The following ANKRD28 variants were observed in gnomAD, a reference collection of about 807,000 sequenced individuals.
ANKRD28 encodes the protein ankyrin repeat domain 28.
Under a neutral mutation model 126.5 loss-of-function variants are expected in ANKRD28, and 44 were observed. The observed-to-expected ratio is 0.35, with a 90% CI of 0.27 to 0.45. The LOEUF (loss-of-function observed/expected upper bound fraction) is 0.45, where lower values mean the gene tolerates loss of function less well. Among genes scored for constraint, ANKRD28 ranks in the 20% least tolerant of loss-of-function variants. The pLI is 1.00. For synonymous variants in ANKRD28, 442 were observed against 468.5 expected, an observed-to-expected ratio of 0.94 and a Z score of 0.73; for missense variants, 1,110 against 1,316.6, an observed-to-expected ratio of 0.84 and a Z score of 2.43.
intron 19 of ANKRD28, 46 bp downstream of exon 19, chr3:15,686,176 C>G (rs368153983): frequency 1.1e-5 from 18 of 1,593,690 alleles, no homozygotes; most frequent in Non-Finnish European, 1.5e-5. Context: ...CTCTGGTTTT[C>G]GAAATACGCC....
intron 18 of ANKRD28, among the ~76,000 whole-genome samples, chr3:15,689,282 G>A (rs185270621): frequency 1.1e-4 from 17 of 152,288 alleles, no homozygotes; most frequent in Admixed American, 9.2e-4. Context: ...CAACACAGGC[G>A]CCTCTCTGAT....
intron 10 of ANKRD28, among the ~76,000 whole-genome samples, chr3:15,713,293 T>C (rs767528837): frequency 2.6e-5 from 4 of 152,208 alleles, no homozygotes; most frequent in African/African-American, 7.2e-5. Flanking sequence ...AACTGCGTTA[T>C]TACTCAAAGT....
At chr3:15,788,578 T>C (rs904317280) in intron 2 of ANKRD28, among the ~76,000 whole-genome samples, 11 of 152,116 alleles carry the variant, frequency 7.2e-5, no homozygotes, top group Admixed American at 7.2e-4. Context: ...AGTTCTACAA[T>C]TAACACCAAT....
At chr3:15,808,098 G>A (rs1418958977) in intron 1 of ANKRD28, among the ~76,000 whole-genome samples, 1 of 152,164 alleles carries the variant, frequency 6.6e-6, no homozygotes, top group Non-Finnish European at 1.5e-5. Flanking sequence ...TAAGCAGTAG[G>A]GAAAACTGGA....
chr3:15,698,338 G>A (rs2069999331), intron 14 of ANKRD28, among the ~76,000 whole-genome samples: 1 of 152,162 alleles, frequency 6.6e-6, no homozygotes, highest in Admixed American at 6.5e-5. Context: ...ACAAGACAGG[G>A]ATGCCCTCTC....
At chr3:15,677,713 T>C (rs1421794256) in intron 24 of ANKRD28, 151 bp from the exon 25 acceptor site, 2 of 493,580 alleles carry the variant, frequency 4.1e-6, no homozygotes, top group Non-Finnish European at 3.6e-6. Context: ...ATAACATATA[T>C]ATCTTCATAT....
At chr3:15,706,654 T>G (rs6808843) in intron 14 of ANKRD28, among the ~76,000 whole-genome samples, 109,584 of 151,894 alleles carry the variant, frequency 0.72, 39,744 homozygotes, top group East Asian at 0.93. Context: ...AGATCCTTGA[T>G]GAATCGCCAC....
intron 2 of ANKRD28, among the ~76,000 whole-genome samples, chr3:15,769,334 A>G (rs1316901527): frequency 6.6e-6 from 1 of 152,364 alleles, no homozygotes; most frequent in East Asian, 1.9e-4. Context: ...ATATTTTACT[A>G]CAGTTAAACA....
At chr3:15,855,059 A>T (rs2061734697) in intron 1 of ANKRD28, among the ~76,000 whole-genome samples, 2 of 152,114 alleles carry the variant, frequency 1.3e-5, no homozygotes, top group South Asian at 4.1e-4. Context: ...AAAAACAAAA[A>T]CAAAAACAAA....
intron 2 of ANKRD28, among the ~76,000 whole-genome samples, chr3:15,767,646 C>T (rs1277707453): frequency 3.3e-5 from 4 of 122,064 alleles, no homozygotes; most frequent in Non-Finnish European, 4.9e-5. Flanking sequence ...GGGTGGATCA[C>T]GAGGTCAGGA....
At position 15,692,403 on chromosome 3, in the gene ANKRD28, T is replaced by C. The variant is rs1273674232; in HGVS notation, c.1762-2183A>G. Among the ~76,000 whole-genome samples, 3 of 152,142 alleles carry C rather than the reference T, an allele frequency of 2.0e-5. 1 individual carries two copies. Among genetic ancestry groups the C allele is most frequent in the Admixed American group, 2.0e-4 (3 of 15,270 alleles). ...AATTCAAGACTGTAGTGAGCCGTGA[T>C]TGTGCCACTACACTCCAGCCTGGAT... is the stretch of plus-strand genomic sequence containing the variant. On this transcript the variant is annotated intron_variant, in intron 17 of 27. Transcript: ENST00000683139.
intron 1 of ANKRD28, among the ~76,000 whole-genome samples, chr3:15,825,935 AAT>A (rs2061055408): frequency 6.6e-6 from 1 of 152,200 alleles, no homozygotes; most frequent in Non-Finnish European, 1.5e-5. Context: ...GTCAAACTAA[AAT>A]AATTATCGGC....
rs569879637 is a variant in ANKRD28 at position 15,836,278 on chromosome 3, G to A, written c.27+23099C>T. The stretch of plus-strand genomic sequence containing the variant: ...TATATATGACAACAGTAAAAGAGAC[G>A]AGAGAAAATAGTTATACCGGAGGAC... On this transcript the variant is annotated intron_variant, in intron 1 of 27. Coordinates refer to the ANKRD28 transcript ENST00000399451. Among the ~76,000 whole-genome samples, 21 of 152,078 alleles carry A rather than the reference G, an allele frequency of 1.4e-4. No homozygotes were observed. In the South Asian group the frequency reaches 2.5e-3, roughly 18 times the overall value.
chr3:15,695,069 G>A (rs1016240829), intron 16 of ANKRD28, 119 bp downstream of exon 16: 17 of 857,022 alleles, frequency 2.0e-5, no homozygotes, highest in African/African-American at 3.4e-5. Context: ...TTCTGTCACC[G>A]TCTTTGTGCC....
At chr3:15,769,586 T>C (rs2058903066) in intron 2 of ANKRD28, among the ~76,000 whole-genome samples, 1 of 152,190 alleles carries the variant, frequency 6.6e-6, no homozygotes, top group Non-Finnish European at 1.5e-5. Flanking sequence ...TTCTTAATCT[T>C]TATTTAACTG....
chr3:15,707,540 C>A (rs1383252959), intron 14 of ANKRD28, among the ~76,000 whole-genome samples: 1 of 152,218 alleles, frequency 6.6e-6, no homozygotes, highest in Non-Finnish European at 1.5e-5. Flanking sequence ...TGTATTCCAA[C>A]CTCTACCCAA....
At position 15,722,391 on chromosome 3, in the gene ANKRD28, C is replaced by T. The variant is rs542342131; in HGVS notation, c.784-1264G>A. 1.5e-4 allele frequency among the ~76,000 whole-genome samples: 23 copies of T among 152,272 alleles called. 1 individual carries two copies. In the South Asian group the frequency reaches 2.7e-3, roughly 18 times the overall value. On this transcript the variant is annotated intron_variant, in intron 7 of 27. Coordinates refer to ENST00000683139, the MANE Select transcript of ANKRD28 (RefSeq NM_001349278.2). Reference sequence around the variant, plus strand: ...GAAGAACAGTAATGTGTCCTGACTCCGTGAAGAGTGGACAAGGGAAATTTT... The same window carrying T: ...GAAGAACAGTAATGTGTCCTGACTCTGTGAAGAGTGGACAAGGGAAATTTT...
chr3:15,717,559 T>A (rs910071082), intron 8 of ANKRD28, among the ~76,000 whole-genome samples: 1 of 151,854 alleles, frequency 6.6e-6, no homozygotes, highest in Non-Finnish European at 1.5e-5. Context: ...AAACCAAAAT[T>A]TAGAGCTACA....
In ANKRD28 at chr3:15,676,004, A is replaced by G. The variant is rs763662061; in HGVS notation, c.2874-15T>C. 36 of 1,606,434 alleles carry G rather than the reference A, an allele frequency of 2.2e-5. No homozygotes were observed. The highest frequency in any genetic ancestry group is 2.6e-5 in the Non-Finnish European group (31 of 1,175,232). On this transcript the variant is annotated splice_polypyrimidine_tract_variant and intron_variant, in intron 26 of 27. Coordinates refer to ENST00000683139, the MANE Select transcript of ANKRD28 (RefSeq NM_001349278.2). The stretch of plus-strand genomic sequence containing the variant: ...CATGCAGAGGTCTAGGGGAAAAAAC[A>G]TGATACATGTACACATATGTGCATG...
Sources: gnomAD v4.1 joint callset for allele counts (sites outside exome capture counted in the v4.1 genomes callset) on GRCh38, gnomAD v4.1.1 for gene constraint, MANE v1.5 for transcripts, NCBI Gene and HGNC (gene_info 2026-07-23, HGNC 2026-07-21) for gene names.